Variants in MPP7 observed in about 807,000 individuals in gnomAD.
MPP7 encodes the protein MAGUK p55 scaffold protein 7.
MPP7 carries 60 observed loss-of-function variants against 76.5 expected under a neutral mutation model. The observed-to-expected ratio is 0.78, with a 90% CI of 0.64 to 0.97. The LOEUF is 0.97. Among genes scored for constraint, MPP7 ranks in the 50% least tolerant of loss-of-function variants. The pLI is 0.00. For synonymous variants in MPP7, 237 were observed against 244.5 expected (o/e 0.97, Z 0.29); for missense variants, 641 against 694.0 (o/e 0.92, Z 0.86).
chr10:28,321,991 T>TGTGTGTGTGTGTGTG (rs1834373276), intron 2 of MPP7, among the ~76,000 whole-genome samples: 1 of 124,190 alleles, frequency 8.1e-6, no homozygotes. Flanking sequence ...GTGTGTGTGT[T>TGTGTGTGTGTGTGTG]TAGCTGTACA....
chr10:28,278,166 A>T (rs570304359), intron 1 of MPP7, among the ~76,000 whole-genome samples: 1 of 152,148 alleles, frequency 6.6e-6, no homozygotes, highest in Non-Finnish European at 1.5e-5. Context: ...TTTTAATAGC[A>T]TAACACTTTC....
At chr10:28,091,432 C>T (rs568790078) in intron 11 of MPP7, among the ~76,000 whole-genome samples, 22 of 151,936 alleles carry the variant, frequency 1.4e-4, no homozygotes, top group South Asian at 4.2e-4. Flanking sequence ...GGATTACAGG[C>T]GCATGCCATC....
rs369028546 is a variant in MPP7 at position 28,054,027 on chromosome 10, A to G, written c.*38T>C. ...AAAACTGTAATTGATTTCATCATGC[A>G]CTCTATAGAAAAAGACAATTATGGA... On this transcript the variant is annotated 3_prime_UTR_variant, in exon 17 of 17. Transcript: ENST00000683449. 1.1e-4 allele frequency: 170 copies of G among 1,494,946 alleles called. No homozygotes were observed. The highest frequency in any genetic ancestry group is 9.5e-4 in the Middle Eastern group (5 of 5,284). 92.6% of individuals were successfully genotyped at this position (1,494,946 alleles called of 1,614,324 possible).
chr10:28,168,327 T>C (rs1181694015), intron 3 of MPP7, among the ~76,000 whole-genome samples: 1 of 152,208 alleles, frequency 6.6e-6, no homozygotes, highest in Non-Finnish European at 1.5e-5. Flanking sequence ...CACTCTTTTG[T>C]AGATGTGCTT....
chr10:28,253,754 C>T (rs1026535314), intron 1 of MPP7, among the ~76,000 whole-genome samples: 1 of 151,788 alleles, frequency 6.6e-6, no homozygotes, highest in African/African-American at 2.4e-5. Flanking sequence ...CCAGCATTTT[C>T]GGAGGCCAAG....
At chr10:28,057,638 T>TTTTTA in intron 15 of MPP7, 7 of 261,652 alleles carry the variant, frequency 2.7e-5, no homozygotes, top group Non-Finnish European at 4.2e-5. Flanking sequence ...TTTTTTTTAG[T>TTTTTA]AAATTACCCA....
At chr10:28,319,596 T>C (rs899140329) in intron 2 of MPP7, among the ~76,000 whole-genome samples, 1 of 152,168 alleles carries the variant, frequency 6.6e-6, no homozygotes, top group Non-Finnish European at 1.5e-5. Flanking sequence ...GTTAACTGTA[T>C]TATGACTTAC....
chr10:28,071,366 C>A (rs1231565369), intron 12 of MPP7, among the ~76,000 whole-genome samples: 3 of 152,168 alleles, frequency 2.0e-5, no homozygotes, highest in African/African-American at 7.2e-5. Context: ...TGTTCTTGCT[C>A]TAATGCCATT....
At chr10:28,308,038 C>T (rs1043665344), upstream of MPP7, among the ~76,000 whole-genome samples, 5 of 152,220 alleles carry the variant, frequency 3.3e-5, no homozygotes, top group African/African-American at 1.2e-4. Context: ...TTTTCTCTAA[C>T]ACTTCCCCTC....
intron 12 of MPP7, among the ~76,000 whole-genome samples, chr10:28,083,575 T>G (rs1160877875): frequency 2.0e-5 from 3 of 150,314 alleles, no homozygotes; most frequent in Non-Finnish European, 4.4e-5. Context: ...TTCGCTCTTG[T>G]TCCCCAAGCT....
At chr10:28,192,170 A>C (rs940428390) in intron 3 of MPP7, among the ~76,000 whole-genome samples, 8 of 152,200 alleles carry the variant, frequency 5.3e-5, no homozygotes, top group Admixed American at 5.2e-4. Context: ...TTGATGAAGA[A>C]CATGTATAAA....
rs143629477 is a variant in MPP7 at position 28,153,491 on chromosome 10, A to G, written c.157-3432T>C. 5.5e-3 allele frequency among the ~76,000 whole-genome samples: 837 copies of G among 152,288 alleles called. 4 individuals carry two copies. The highest frequency in any genetic ancestry group is 8.3e-3 in the Non-Finnish European group (565 of 68,018). On this transcript the variant is annotated intron_variant, in intron 3 of 16. Coordinates refer to ENST00000683449, the MANE Select transcript of MPP7 (RefSeq NM_001318170.2). Reference sequence around the variant, plus strand: ...AAGAAAAAAGGACATTTCAAAATCTATATACATTATGCTCTATGTATATGT... The same window carrying G: ...AAGAAAAAAGGACATTTCAAAATCTGTATACATTATGCTCTATGTATATGT...
At chr10:28,285,373 C>T (rs61845939) in intron 1 of MPP7, among the ~76,000 whole-genome samples, 12,390 of 152,004 alleles carry the variant, frequency 0.082, 576 homozygotes, top group Non-Finnish European at 0.11. Flanking sequence ...TTAGTAGAGA[C>T]GGGGTTTCTC....
At chr10:28,134,730 A>T (rs1835301969) in intron 5 of MPP7, among the ~76,000 whole-genome samples, 1 of 152,176 alleles carries the variant, frequency 6.6e-6, no homozygotes, top group African/African-American at 2.4e-5. Flanking sequence ...TATGCTTAAT[A>T]CATCACAGCA....
At chr10:28,095,728 T>A (rs2133483615) in intron 11 of MPP7, among the ~76,000 whole-genome samples, 1 of 152,328 alleles carries the variant, frequency 6.6e-6, no homozygotes, top group Admixed American at 6.5e-5. Flanking sequence ...TGCAAAAGTT[T>A]TAGCAAGAGC....
At chr10:28,208,931 T>G (rs529080467) in intron 2 of MPP7, among the ~76,000 whole-genome samples, 1 of 150,306 alleles carries the variant, frequency 6.7e-6, no homozygotes, top group Non-Finnish European at 1.5e-5. Context: ...GGTGGATCCC[T>G]CATGGCTTGA....
intron 11 of MPP7, 24 bp from the exon 12 acceptor site, chr10:28,089,865 T>C: frequency 7.9e-7 from 1 of 1,273,842 alleles, no homozygotes; most frequent in African/African-American, 1.5e-5. Context: ...AATAAATATA[T>C]TTTTAGTAAC....
At chr10:28,234,795 GT>G (rs111503640) in intron 2 of MPP7, among the ~76,000 whole-genome samples, 7 of 151,960 alleles carry the variant, frequency 4.6e-5, no homozygotes, top group African/African-American at 1.7e-4. Context: ...GGATTTTGTT[GT>G]TTTTTGTTTT....
chr10:28,255,985 T>A (rs1157777384), intron 1 of MPP7, among the ~76,000 whole-genome samples: 2 of 152,184 alleles, frequency 1.3e-5, no homozygotes, highest in Non-Finnish European at 1.5e-5. Context: ...AATCATCCTT[T>A]GGAACTCATG....
Sources: gnomAD v4.1 joint callset for allele counts (sites outside exome capture counted in the v4.1 genomes callset) on GRCh38, gnomAD v4.1.1 for gene constraint, MANE v1.5 for transcripts, NCBI Gene and HGNC (gene_info 2026-07-23, HGNC 2026-07-21) for gene names.